The following KLF12 variants were observed in gnomAD, a reference collection of about 807,000 sequenced individuals.
The protein encoded by KLF12 is Krueppel-like factor 12.
In KLF12, 9 loss-of-function variants were observed where a neutral mutation model predicts 37.8. The observed-to-expected ratio is 0.24, with a 90% CI of 0.14 to 0.42. KLF12 has a LOEUF of 0.42. KLF12 is among the 10% of genes least tolerant of loss of function. KLF12 has a pLI of 1.00. For missense variants in KLF12, 411 were observed against 516.0 expected (o/e 0.80, Z 1.97); for synonymous variants, 208 against 202.1 (o/e 1.03, Z -0.25).
the KLF12 span, among the ~76,000 whole-genome samples, chr13:74,265,933 G>A: frequency 6.6e-6 from 1 of 152,192 alleles, no homozygotes; most frequent in Non-Finnish European, 1.5e-5. Flanking sequence ...GTAGGTTGTG[G>A]TCATTTCTAT....
At chr13:73,969,821 G>A (rs998264286) in intron 2 of KLF12, among the ~76,000 whole-genome samples, 1 of 152,144 alleles carries the variant, frequency 6.6e-6, no homozygotes, top group South Asian at 2.1e-4. Flanking sequence ...TCTTCATAGG[G>A]CTACCATCAA....
At chr13:74,265,653 C>A in the KLF12 span, among the ~76,000 whole-genome samples, 1 of 152,110 alleles carries the variant, frequency 6.6e-6, no homozygotes, top group Non-Finnish European at 1.5e-5. Context: ...GAGTCTTGAC[C>A]CAAGCCCATC....
At chr13:73,813,978 A>G (rs1439926878) in intron 4 of KLF12, among the ~76,000 whole-genome samples, 1 of 152,226 alleles carries the variant, frequency 6.6e-6, no homozygotes, top group Non-Finnish European at 1.5e-5. Context: ...AGGAAACGGC[A>G]CAATGTTCTG....
chr13:74,087,489 A>G (rs1048704576), intron 1 of KLF12, among the ~76,000 whole-genome samples: 2 of 152,142 alleles, frequency 1.3e-5, no homozygotes, highest in African/African-American at 4.8e-5. Context: ...GCTGCACGAT[A>G]TGGAGGAGGG....
the KLF12 span, among the ~76,000 whole-genome samples, chr13:74,253,902 C>G: frequency 9.9e-5 from 15 of 152,206 alleles, no homozygotes; most frequent in Middle Eastern, 3.4e-3. Context: ...TTATGAGAAG[C>G]CTTACAATAT....
chr13:74,185,536 G>T, the KLF12 span, among the ~76,000 whole-genome samples: 1 of 152,294 alleles, frequency 6.6e-6, no homozygotes, highest in Admixed American at 6.5e-5. Flanking sequence ...AGAAATTCAG[G>T]CTGTTGCACA....
chr13:73,743,525 T>C (rs1878150902), intron 6 of KLF12, among the ~76,000 whole-genome samples: 1 of 152,128 alleles, frequency 6.6e-6, no homozygotes, highest in Non-Finnish European at 1.5e-5. Context: ...ACATAACAAG[T>C]TGAATGTACT....
rs1873988659 is a variant in KLF12 at position 73,694,324 on chromosome 13, A to AAC, written c.*1165_*1166insGT. 6.6e-6 allele frequency: 1 copy of AAC among 152,656 alleles called. No homozygotes were observed. The highest frequency in any genetic ancestry group is 1.5e-5 in the Non-Finnish European group (1 of 68,046). 9.5% of individuals were successfully genotyped at this position (152,656 alleles called of 1,614,324 possible). On this transcript the variant is annotated 3_prime_UTR_variant, in exon 8 of 8. Coordinates refer to ENST00000377669, the MANE Select transcript of KLF12 (RefSeq NM_007249.5). ...TAATCTTTAATTGTGGTACTCAACC[A>AAC]AGCAGGACAACAAACAGCAGAAAGA...
chr13:73,992,351 G>A (rs571743765), intron 2 of KLF12, among the ~76,000 whole-genome samples: 4 of 152,296 alleles, frequency 2.6e-5, no homozygotes, highest in Admixed American at 6.5e-5. Flanking sequence ...TTTATTTGTC[G>A]TTTTCTAAAG....
chr13:73,838,370 T>C (rs1489409297), intron 4 of KLF12, among the ~76,000 whole-genome samples: 2 of 152,094 alleles, frequency 1.3e-5, no homozygotes, highest in African/African-American at 4.8e-5. Flanking sequence ...AATAACATAT[T>C]TTTGGAGGAT....
At chr13:73,781,999 T>C (rs2138198958) in intron 5 of KLF12, among the ~76,000 whole-genome samples, 1 of 152,264 alleles carries the variant, frequency 6.6e-6, no homozygotes, top group East Asian at 1.9e-4. Context: ...AATCAGAACA[T>C]GTTCTTAGTT....
At chr13:73,931,544 G>A (rs1028796530) in intron 3 of KLF12, among the ~76,000 whole-genome samples, 2 of 152,124 alleles carry the variant, frequency 1.3e-5, no homozygotes, top group African/African-American at 4.8e-5. Context: ...GCATAGACAT[G>A]CAATGTCAAT....
At chr13:74,234,688 C>G in the KLF12 span, among the ~76,000 whole-genome samples, 353 of 151,856 alleles carry the variant, frequency 2.3e-3, 1 homozygote, top group African/African-American at 8.2e-3. Context: ...ATTTGGAGAC[C>G]ATTCAGTAGA....
At chr13:74,028,262 CTG>C (rs1893028167) in intron 1 of KLF12, among the ~76,000 whole-genome samples, 1 of 152,142 alleles carries the variant, frequency 6.6e-6, no homozygotes, top group East Asian at 1.9e-4. Flanking sequence ...AATCTAAAAA[CTG>C]GAAATAATTT....
chr13:74,241,229 G>A, the KLF12 span, among the ~76,000 whole-genome samples: 3 of 148,968 alleles, frequency 2.0e-5, no homozygotes, highest in Admixed American at 2.0e-4. Context: ...TGCCCCTGCT[G>A]GGGGGTGCCT....
chr13:74,051,471 A>C (rs1593859139), intron 1 of KLF12, among the ~76,000 whole-genome samples: 1 of 152,124 alleles, frequency 6.6e-6, no homozygotes, highest in African/African-American at 2.4e-5. Context: ...TGGTGCGAGG[A>C]GGGGCATGAA....
intron 2 of KLF12, among the ~76,000 whole-genome samples, chr13:73,959,457 T>C (rs917415755): frequency 6.6e-6 from 1 of 151,652 alleles, no homozygotes; most frequent in African/African-American, 2.4e-5. Flanking sequence ...CTAGATAAAA[T>C]GTAAGGTCAT....
Position 73,715,483 on chromosome 13 carries a change from T to C in KLF12, c.912A>G (p.Arg304=). The C allele has an allele frequency of 6.2e-7, 1 of 1,614,076 alleles. No individual in the cohort carries two copies. The highest frequency in any genetic ancestry group is 8.5e-7 in the Non-Finnish European group (1 of 1,179,958). Residue 304 remains arginine (R), a synonymous_variant, in exon 7 of 8, where the codon AGA becomes AGG. Coordinates refer to ENST00000377669, the MANE Select transcript of KLF12 (RefSeq NM_007249.5). ...TTCTGGAGTCTGGGGATTCAGACCG[T>C]CTCTGGCGTCTTGTGCTCTCAATAC...
chr13:74,168,168 T>C, the KLF12 span, among the ~76,000 whole-genome samples: 1 of 152,238 alleles, frequency 6.6e-6, no homozygotes, highest in Admixed American at 6.5e-5. Context: ...CATCAAGGCT[T>C]TGAAACGGTG....
Sources: gnomAD v4.1 joint callset for allele counts (sites outside exome capture counted in the v4.1 genomes callset) on GRCh38, gnomAD v4.1.1 for gene constraint, MANE v1.5 for transcripts, NCBI Gene and HGNC (gene_info 2026-07-23, HGNC 2026-07-21) for gene names.